MYO15B: variants seen among roughly 807,000 people sequenced by gnomAD.
MYO15B encodes myosin XVB pseudogene.
Under a neutral mutation model 119.3 loss-of-function variants are expected in MYO15B, and 207 were observed. The ratio of observed to expected loss-of-function variants is 1.73; its 90% CI spans 1.55 to 1.95. The LOEUF is 1.95. Ranked by LOEUF, MYO15B falls within the 30% of genes most tolerant of loss-of-function variation. The pLI is 0.00. For synonymous variants in MYO15B, 966 were observed against 498.9 expected (o/e 1.94, Z -12.48); for missense variants, 2,264 against 1,203.1 (o/e 1.88, Z -13.04).
At chr17:75,593,270 G>A (rs889193053) in intron 9 of MYO15B, among the ~76,000 whole-genome samples, 1 of 149,488 alleles carries the variant, frequency 6.7e-6, no homozygotes, top group Non-Finnish European at 1.5e-5. Flanking sequence ...TTGGGAGGCC[G>A]AGGTGGGTGG....
At chr17:75,597,926 A>G (rs1180746993) in intron 14 of MYO15B, among the ~76,000 whole-genome samples, 1 of 151,922 alleles carries the variant, frequency 6.6e-6, no homozygotes, top group African/African-American at 2.4e-5. Context: ...AAACTAATTA[A>G]TTATAAAAAA....
chr17:75,603,432 A>G, intron 19 of MYO15B, 120 bp downstream of exon 19: 1 of 608,366 alleles, frequency 1.6e-6, no homozygotes, highest in Non-Finnish European at 2.9e-6. Flanking sequence ...CTAGCACCCA[A>G]CCCTCCCTCT....
exon 8 of MYO15B, chr17:75,592,538 C>T (rs2056542132): frequency 4.9e-6 from 3 of 607,968 alleles, no homozygotes; most frequent in Non-Finnish European, 5.9e-6. Context: ...ACTACCTCAA[C>T]CAGGTCGGGG....
chr17:75,597,279 G>A (rs1285471805), intron 14 of MYO15B, among the ~76,000 whole-genome samples: 2 of 152,174 alleles, frequency 1.3e-5, no homozygotes, highest in African/African-American at 4.8e-5. Context: ...CTGACTGGTC[G>A]GGGACAAACC....
chr17:75,612,701 A>G (rs562320857), intron 25 of MYO15B, 97 bp from the exon 26 acceptor site: 73 of 660,538 alleles, frequency 1.1e-4, no homozygotes, highest in Admixed American at 1.5e-4. Context: ...ATTTCTGTCC[A>G]GCCCCTCTGC....
chr17:75,603,747 G>C (rs1295368912), intron 19 of MYO15B, among the ~76,000 whole-genome samples: 1 of 152,184 alleles, frequency 6.6e-6, no homozygotes, highest in Non-Finnish European at 1.5e-5. Flanking sequence ...GTGGCACATG[G>C]AGCTGCCAGG....
intron 25 of MYO15B, 24 bp downstream of exon 25, chr17:75,612,040 T>TC: frequency 1.4e-6 from 1 of 702,562 alleles, no homozygotes; most frequent in South Asian, 1.5e-5. Flanking sequence ...CCTAAGCTCT[T>TC]CCCGCTGGCC....
At chr17:75,604,690 C>G (rs2057510197) in intron 19 of MYO15B, among the ~76,000 whole-genome samples, 1 of 151,706 alleles carries the variant, frequency 6.6e-6, no homozygotes. Flanking sequence ...TTCACCTGTT[C>G]TCCCCCTGAG....
At chr17:75,591,053 C>T (rs1298491300) in intron 3 of MYO15B, 37 bp downstream of exon 3, 4 of 665,310 alleles carry the variant, frequency 6.0e-6, no homozygotes, top group Non-Finnish European at 1.1e-5. Context: ...CTGCTCACCT[C>T]CCAGGCAGCC....
chr17:75,615,766 G>A (rs947737411), exon 36 of MYO15B: 15 of 701,922 alleles, frequency 2.1e-5, no homozygotes, highest in Admixed American at 1.0e-4. Context: ...CAGCAGGCTC[G>A]GGCCTCCGAG....
In MYO15B at chr17:75,619,867, A is replaced by C. The variant is rs1456677698; in HGVS notation, c.7302-12A>C. 1.4e-6 allele frequency: 1 copy of C among 702,044 alleles called. No individual in the cohort carries two copies. Among genetic ancestry groups the C allele is most frequent in the Non-Finnish European group, 2.6e-6 (1 of 384,492 alleles). 43.5% of individuals were successfully genotyped at this position (702,044 alleles called of 1,614,324 possible). A position where few individuals can be genotyped will look rare whatever the true frequency, so the allele number is the denominator to read the frequency against. On this transcript the variant is annotated splice_polypyrimidine_tract_variant and intron_variant, in intron 46 of 63. Coordinates refer to ENST00000645453, the Ensembl canonical transcript of MYO15B. ...GCAAGGTGACCTCAGTTCATGCCCG[A>C]TCCCTGCGCAGCTTTGCGGAGGTGC... is the stretch of plus-strand genomic sequence containing the variant.
At chr17:75,604,088 A>G (rs1735053513) in intron 19 of MYO15B, among the ~76,000 whole-genome samples, 1 of 152,158 alleles carries the variant, frequency 6.6e-6, no homozygotes, top group South Asian at 2.1e-4. Context: ...GGACTGAGCA[A>G]AAGGCAGGCA....
exon 55 of MYO15B, chr17:75,624,045 G>A: frequency 1.4e-6 from 1 of 703,078 alleles, no homozygotes; most frequent in Non-Finnish European, 2.6e-6. Context: ...AGTTTCTGCA[G>A]GATTCAGGCC....
At chr17:75,594,119 A>G (rs2056684995) in intron 9 of MYO15B, among the ~76,000 whole-genome samples, 1 of 145,958 alleles carries the variant, frequency 6.9e-6, no homozygotes, top group African/African-American at 2.5e-5. Flanking sequence ...AAAAAAAATC[A>G]AACGAGCAGC....
chr17:75,618,962 A>C (rs1265260059), intron 43 of MYO15B, 181 bp from the exon 44 acceptor site: 1 of 604,450 alleles, frequency 1.7e-6, no homozygotes, highest in African/African-American at 1.9e-5. Context: ...GTGTGAATGG[A>C]GGTGGCCCAA....
In MYO15B at chr17:75,589,911, C is replaced by T; in HGVS notation, c.1854C>T (p.Ser618=). 1 of 398,712 alleles carries T rather than the reference C, an allele frequency of 2.5e-6. No homozygotes were observed. Among genetic ancestry groups the T allele is most frequent in the Non-Finnish European group, 4.4e-6 (1 of 226,038 alleles). The allele number at this position is 398,712 out of a possible 1,614,324, so 24.7% of individuals were successfully genotyped here. A position where few individuals can be genotyped will look rare whatever the true frequency, so the allele number is the denominator to read the frequency against. ...CCGACGGGCCTTCCCTCGACGAGAG[C>T]GGCTCCAGCAGTGAGGCGGAGTTGG... Residue 618 remains serine (S), a synonymous_variant, in exon 1 of 64, where the codon AGC becomes AGT. Coordinates refer to ENST00000645453, the Ensembl canonical transcript of MYO15B. This position sits in a 1 kb window ranked among gnomAD's most constrained non-coding sequence, Gnocchi z 4.2.
In MYO15B at chr17:75,623,774, C is replaced by A. The variant is rs2058841712; in HGVS notation, c.8083-7C>A. 2 of 703,076 alleles carry A rather than the reference C, an allele frequency of 2.8e-6. No individual in the cohort carries two copies. Among genetic ancestry groups the A allele is most frequent in the Non-Finnish European group, 5.2e-6 (2 of 385,056 alleles). 43.6% of individuals were successfully genotyped at this position (703,076 alleles called of 1,614,324 possible). On this transcript the variant is annotated splice_polypyrimidine_tract_variant and splice_region_variant and intron_variant, in intron 53 of 63. Coordinates refer to ENST00000645453, the Ensembl canonical transcript of MYO15B. ...CCTCACCCCACCTGCCCTTCCTGTC[C>A]CCACAGCTGTGCCAGCAGGAGAAGC...
rs750863179 is a variant in MYO15B, at chr17:75,611,917, C to G, written c.4536C>G (p.Thr1512=). The change falls in exon 25 of 64, where the codon ACC becomes ACG. Residue 1512 remains threonine, a synonymous_variant. Transcript: ENST00000645453. ...GGGACGCCCTGGCTGGGAGCATCAC[C>G]GAGTGCCTGCCGCCTGAGGTTCCTG... 3 of 702,858 alleles carry G rather than the reference C, an allele frequency of 4.3e-6. No individual in the cohort carries two copies. The Admixed American group carries it at 6.0e-5, about 14-fold the overall frequency. 43.5% of individuals were successfully genotyped at this position (702,858 alleles called of 1,614,324 possible).
chr17:75,597,590 T>C (rs1413088852), intron 14 of MYO15B, among the ~76,000 whole-genome samples: 7 of 152,198 alleles, frequency 4.6e-5, no homozygotes, highest in Non-Finnish European at 1.0e-4. Context: ...CTCTCCCCTC[T>C]TACAGCCCGC....
Sources: allele counts gnomAD v4.1 joint callset (sites outside exome capture counted in the v4.1 genomes callset), GRCh38; gene constraint gnomAD v4.1.1; non-coding constraint Gnocchi (gnomAD v3.1); transcripts MANE v1.5; gene names NCBI Gene and HGNC (gene_info 2026-07-23, HGNC 2026-07-21).